The following ARHGAP26 variants were observed in gnomAD, a reference collection of about 807,000 sequenced individuals.
ARHGAP26 encodes the protein rho GTPase-activating protein 26.
In ARHGAP26, 38 loss-of-function variants were observed where a neutral mutation model predicts 104.8. The observed-to-expected ratio is 0.36, with a 90% CI of 0.28 to 0.48. The LOEUF (loss-of-function observed/expected upper bound fraction) is 0.48. ARHGAP26 is among the 20% of genes least tolerant of loss of function. ARHGAP26 has a pLI of 0.99. For synonymous variants in ARHGAP26, 341 were observed against 340.0 expected, an observed-to-expected ratio of 1.00 and a Z score of -0.03; for missense variants, 704 against 947.9, an observed-to-expected ratio of 0.74 and a Z score of 3.38.
rs796429623 is a variant in ARHGAP26, at chr5:142,963,178, A to G, written c.1107+31053A>G. Among the ~76,000 whole-genome samples the G allele has an allele frequency of 1.7e-4, 15 of 86,808 alleles. No individual in the cohort carries two copies. In the South Asian group the frequency reaches 3.1e-3, roughly 18 times the overall value. The allele number at this position is 86,808 out of a possible 152,430, so 56.9% of individuals were successfully genotyped here. ...AGTATTCCATGGTATATATGTATAT[A>G]TATATATATATATATATATATGTGT... On this transcript the variant is annotated intron_variant, in intron 11 of 22. Coordinates refer to ENST00000645722, the MANE Select transcript of ARHGAP26 (RefSeq NM_001135608.3).
intron 12 of ARHGAP26, among the ~76,000 whole-genome samples, chr5:143,027,545 A>G (rs1433563884): frequency 2.0e-5 from 3 of 152,062 alleles, no homozygotes; most frequent in South Asian, 2.1e-4. Flanking sequence ...TTTTAAACCA[A>G]TTCATCCATT....
At chr5:143,058,134 T>G in intron 17 of ARHGAP26, 1 of 447,740 alleles carries the variant, frequency 2.2e-6, no homozygotes, top group South Asian at 2.0e-5. Flanking sequence ...AGAATTTGGG[T>G]TTTTAGTAAA....
At chr5:142,803,143 T>C (rs1762380811) in intron 1 of ARHGAP26, among the ~76,000 whole-genome samples, 1 of 152,190 alleles carries the variant, frequency 6.6e-6, no homozygotes, top group African/African-American at 2.4e-5. Context: ...GTGTCTTGTG[T>C]TTGGGAAATA....
At chr5:142,818,217 T>TA (rs35009928) in intron 1 of ARHGAP26, among the ~76,000 whole-genome samples, 12,845 of 140,742 alleles carry the variant, frequency 0.091, 765 homozygotes, top group African/African-American at 0.17. Context: ...CCAATTATTG[T>TA]AAAAAAAAAA....
intron 20 of ARHGAP26, among the ~76,000 whole-genome samples, chr5:143,179,337 G>A (rs938598488): frequency 2.6e-5 from 4 of 152,164 alleles, no homozygotes; most frequent in Non-Finnish European, 5.9e-5. Context: ...TTGGGTGTAC[G>A]AGCAAGAGAG....
chr5:143,118,279 T>G (rs999512563), intron 17 of ARHGAP26, among the ~76,000 whole-genome samples: 7 of 152,186 alleles, frequency 4.6e-5, no homozygotes, highest in African/African-American at 1.7e-4. Context: ...ATTCTCACAT[T>G]TAATCTGTAC....
At chr5:142,890,178 A>G (rs1353174308) in intron 5 of ARHGAP26, among the ~76,000 whole-genome samples, 1 of 113,108 alleles carries the variant, frequency 8.8e-6, no homozygotes, top group Non-Finnish European at 1.9e-5. Context: ...ATATATATAT[A>G]TATATATATA....
chr5:143,140,330 G>T (rs1798366673), intron 19 of ARHGAP26, among the ~76,000 whole-genome samples: 1 of 152,156 alleles, frequency 6.6e-6, no homozygotes, highest in African/African-American at 2.4e-5. Context: ...TCTGCAGTCA[G>T]ACTGAGATGT....
chr5:142,894,152 C>T (rs967707865), intron 5 of ARHGAP26, 86 bp from the exon 6 acceptor site: 46 of 1,048,336 alleles, frequency 4.4e-5, no homozygotes, highest in African/African-American at 9.6e-5. Context: ...AATTATCTCC[C>T]GAGATTTTTT....
intron 11 of ARHGAP26, among the ~76,000 whole-genome samples, chr5:142,995,530 G>C (rs1776252975): frequency 6.6e-6 from 1 of 152,232 alleles, no homozygotes; most frequent in African/African-American, 2.4e-5. Context: ...CGGAAAGGAT[G>C]TGGAGAAATA....
intron 11 of ARHGAP26, among the ~76,000 whole-genome samples, chr5:142,983,441 A>G (rs765425511): frequency 1.5e-4 from 23 of 152,100 alleles, no homozygotes; most frequent in Non-Finnish European, 8.8e-5. Flanking sequence ...CCTGACCTCA[A>G]GTGATCTGCC....
At chr5:143,213,774 T>A (rs1809886341) in intron 21 of ARHGAP26, among the ~76,000 whole-genome samples, 1 of 152,280 alleles carries the variant, frequency 6.6e-6, no homozygotes, top group South Asian at 2.1e-4. Flanking sequence ...ACAAAAAGTG[T>A]AGTTTCTTGA....
intron 11 of ARHGAP26, among the ~76,000 whole-genome samples, chr5:142,993,243 C>T (rs1303488033): frequency 6.7e-6 from 1 of 150,120 alleles, no homozygotes; most frequent in Non-Finnish European, 1.5e-5. Context: ...AATCTCGGCT[C>T]ACTGCAAGCT....
intron 11 of ARHGAP26, among the ~76,000 whole-genome samples, chr5:143,005,619 T>C (rs1777838002): frequency 6.6e-6 from 1 of 152,184 alleles, no homozygotes; most frequent in Admixed American, 6.5e-5. Flanking sequence ...TCCAGAGCAC[T>C]TTTTTCCCCC....
Position 143,073,878 on chromosome 5 carries a change from G to A in ARHGAP26, c.1538+16131G>A, listed in dbSNP as rs560873286. ...GTGACTCTGAGCTCCCGTTAACTTCGAAGACATCTATGATTTTATACAGCA... is the reference window on the plus strand; with the variant it reads ...GTGACTCTGAGCTCCCGTTAACTTCAAAGACATCTATGATTTTATACAGCA... On this transcript the variant is annotated intron_variant, in intron 17 of 22. Transcript: ENST00000645722. Among the ~76,000 whole-genome samples the A allele has an allele frequency of 1.1e-3, 160 of 152,286 alleles. 2 individuals are homozygous for A. Among genetic ancestry groups the A allele is most frequent in the African/African-American group, 3.7e-3 (153 of 41,542 alleles).
chr5:142,894,650 G>T (rs746870229), intron 6 of ARHGAP26, among the ~76,000 whole-genome samples: 7 of 152,120 alleles, frequency 4.6e-5, no homozygotes, highest in Non-Finnish European at 7.4e-5. Flanking sequence ...AGAGGGGAGG[G>T]GTTCTCTATC....
intron 11 of ARHGAP26, among the ~76,000 whole-genome samples, chr5:142,996,462 C>T (rs1425992898): frequency 2.0e-5 from 3 of 152,082 alleles, no homozygotes; most frequent in Non-Finnish European, 4.4e-5. Flanking sequence ...CACTGCACTC[C>T]AACCTGGGTG....
At chr5:142,948,128 A>T (rs1166932205) in intron 11 of ARHGAP26, among the ~76,000 whole-genome samples, 1 of 152,142 alleles carries the variant, frequency 6.6e-6, no homozygotes, top group Non-Finnish European at 1.5e-5. Context: ...GGCACTTTAG[A>T]CGTGGCACTT....
chr5:142,931,526 A>G (rs994369852), intron 10 of ARHGAP26, among the ~76,000 whole-genome samples: 2 of 152,224 alleles, frequency 1.3e-5, no homozygotes, highest in African/African-American at 2.4e-5. Flanking sequence ...TTTAATCATA[A>G]CTACCAAGAT....
Sources: allele counts gnomAD v4.1 joint callset (sites outside exome capture counted in the v4.1 genomes callset), GRCh38; gene constraint gnomAD v4.1.1; transcripts MANE v1.5; gene names NCBI Gene and HGNC (gene_info 2026-07-23, HGNC 2026-07-21).